The following ABLIM1 variants were observed in gnomAD, a reference collection of about 807,000 sequenced individuals.
ABLIM1 encodes the protein actin-binding LIM protein 1.
In ABLIM1, 40 loss-of-function variants were observed where a neutral mutation model predicts 107.0. The observed-to-expected ratio is 0.37, with a 90% confidence interval of 0.29 to 0.49. The LOEUF (loss-of-function observed/expected upper bound fraction) is 0.49. Among genes scored for constraint, ABLIM1 ranks in the 20% least tolerant of loss-of-function variants. The pLI is 0.97. For synonymous variants in ABLIM1, 357 were observed against 357.3 expected, an observed-to-expected ratio of 1.00 and a Z score of 0.01; for missense variants, 857 against 1,008.5, an observed-to-expected ratio of 0.85 and a Z score of 2.04.
At chr10:114,506,214 A>T (rs1319700459) in intron 6 of ABLIM1, among the ~76,000 whole-genome samples, 1 of 152,228 alleles carries the variant, frequency 6.6e-6, no homozygotes, top group Middle Eastern at 3.2e-3. Flanking sequence ...TTGGCTGTGT[A>T]GTATTCCATG....
chr10:114,745,871 A>C (rs2082373989), intron 1 of ABLIM1, among the ~76,000 whole-genome samples: 1 of 152,190 alleles, frequency 6.6e-6, no homozygotes, highest in Non-Finnish European at 1.5e-5. Flanking sequence ...CCAGAAATAC[A>C]ATGAAAACAT....
At chr10:114,709,762 TA>T (rs1403926786) in intron 1 of ABLIM1, among the ~76,000 whole-genome samples, 15 of 152,268 alleles carry the variant, frequency 9.9e-5, no homozygotes, top group African/African-American at 3.6e-4. Flanking sequence ...ACATGTTTAT[TA>T]ATCAGCTGCT....
intron 12 of ABLIM1, among the ~76,000 whole-genome samples, chr10:114,462,267 A>G (rs542720271): frequency 2.8e-4 from 42 of 152,226 alleles, no homozygotes; most frequent in Admixed American, 4.6e-4. Flanking sequence ...TCCTTCAGCT[A>G]TTATTATTGG....
In ABLIM1 at chr10:114,584,097, T is replaced by C. The variant is rs143183574; in HGVS notation, c.380-8498A>G. On this transcript the variant is annotated intron_variant, in intron 2 of 22. Coordinates refer to ENST00000533213, the MANE Select transcript of ABLIM1 (RefSeq NM_002313.7). ...TACACCCATGTAGCAAACCTGCACA[T>C]GTACCCACTGAATCTAAAGTAAAAG... is the stretch of plus-strand genomic sequence containing the variant. Among the ~76,000 whole-genome samples, 433 of 151,596 alleles carry C rather than the reference T, an allele frequency of 2.9e-3. 2 individuals are homozygous for C. Among genetic ancestry groups the C allele is most frequent in the Non-Finnish European group, 4.5e-3 (305 of 67,910 alleles).
chr10:114,463,052 A>G lies in ABLIM1; in HGVS notation c.1441+2646T>C, dbSNP rs558947897. 1.7e-4 allele frequency: 222 copies of G among 1,334,740 alleles called. 1 individual carries two copies. The Middle Eastern group carries it at 2.0e-3, about 12-fold the overall frequency. 82.7% of individuals were successfully genotyped at this position (1,334,740 alleles called of 1,614,324 possible). A position where few individuals can be genotyped will look rare whatever the true frequency, so the allele number is the denominator to read the frequency against. On this transcript the variant is annotated intron_variant, in intron 12 of 22. Transcript: ENST00000533213. ...AGAAACCTGCCTCCTTACCTTTGAT[A>G]TGGGGAATGAAGTGGTGTCGGAAAG... is the stretch of plus-strand genomic sequence containing the variant.
At chr10:114,539,128 C>T (rs189831443) in intron 6 of ABLIM1, among the ~76,000 whole-genome samples, 9 of 152,320 alleles carry the variant, frequency 5.9e-5, no homozygotes, top group Non-Finnish European at 1.0e-4. Flanking sequence ...GAGGCCAAGG[C>T]GGGCAGATCA....
chr10:114,499,099 G>T (rs2060055718), intron 6 of ABLIM1, among the ~76,000 whole-genome samples: 1 of 152,210 alleles, frequency 6.6e-6, no homozygotes, highest in African/African-American at 2.4e-5. Context: ...CCAGGTAGCT[G>T]ACTCAAGGTC....
At chr10:114,541,107 T>G (rs1591037338) in intron 6 of ABLIM1, among the ~76,000 whole-genome samples, 1 of 151,978 alleles carries the variant, frequency 6.6e-6, no homozygotes, top group African/African-American at 2.4e-5. Context: ...AGCCAGAGAT[T>G]GGGAGGCTGC....
Position 114,655,998 on chromosome 10 carries a change from C to T in ABLIM1, c.244+1959G>A, listed in dbSNP as rs147626776. On this transcript the variant is annotated intron_variant, in intron 1 of 22. Transcript: ENST00000533213. ...TAAAAAAGTCAGATAAGGCCGGGCG[C>T]GGTGGCTCATGCCTATAATCCCACC... Among the ~76,000 whole-genome samples the T allele has an allele frequency of 9.3e-4, 141 of 152,212 alleles. 2 individuals are homozygous for T. In the East Asian group the frequency reaches 0.018, roughly 19 times the overall value.
In ABLIM1 at chr10:114,690,391, C is replaced by G. The variant is rs991126049; in HGVS notation, c.-213+77670G>C. ...TGCTTTAGGATGAAGTTCTCATCAT[C>G]AAATTTCTCCCCATAGATGGACTTG... On this transcript the variant is annotated intron_variant, in intron 1 of 15. Coordinates refer to the ABLIM1 transcript ENST00000651092. 10 of 1,605,808 alleles carry G rather than the reference C, an allele frequency of 6.2e-6. No individual in the cohort carries two copies. The African/African-American group carries it at 1.3e-4, about 21-fold the overall frequency.
At chr10:114,702,887 C>T (rs217193) in intron 1 of ABLIM1, among the ~76,000 whole-genome samples, 7,710 of 152,022 alleles carry the variant, frequency 0.051, 243 homozygotes, top group Middle Eastern at 0.088. Flanking sequence ...TACTTTCCCT[C>T]GCTAGACATT....
intron 1 of ABLIM1, among the ~76,000 whole-genome samples, chr10:114,733,717 A>G (rs2082122676): frequency 1.3e-5 from 2 of 152,218 alleles, no homozygotes; most frequent in South Asian, 4.1e-4. Context: ...GACCAGGTAC[A>G]TCTGCCAGAT....
At chr10:114,601,590 T>C (rs2076006662) in intron 2 of ABLIM1, 1 of 623,600 alleles carries the variant, frequency 1.6e-6, no homozygotes, top group African/African-American at 1.8e-5. Flanking sequence ...TAGTCCCTTC[T>C]TCCAGGAGAA....
rs2065153439 is a variant in ABLIM1, at chr10:114,528,882, A to G, written c.894+16123T>C. ...CAAGATATGCAGGTGATTGTTAGGC[A>G]TAGTGGTTTTAGAACCTCAGCCTTA... is the stretch of plus-strand genomic sequence containing the variant. On this transcript the variant is annotated intron_variant, in intron 6 of 22. Transcript: ENST00000533213. Among the ~76,000 whole-genome samples, 8 of 152,364 alleles carry G rather than the reference A, an allele frequency of 5.3e-5. No individual in the cohort carries two copies. In the South Asian group the frequency reaches 1.7e-3, roughly 32 times the overall value.
intron 2 of ABLIM1, among the ~76,000 whole-genome samples, chr10:114,592,463 A>T (rs2139653998): frequency 6.6e-6 from 1 of 152,166 alleles, no homozygotes; most frequent in Non-Finnish European, 1.5e-5. Flanking sequence ...TTTGAAGGTC[A>T]AATTGAGGTC....
intron 12 of ABLIM1, among the ~76,000 whole-genome samples, chr10:114,455,163 C>A (rs1173219733): frequency 1.5e-5 from 2 of 137,146 alleles, no homozygotes; most frequent in Non-Finnish European, 3.2e-5. Context: ...TTTAAGTAAC[C>A]AGAGTACAGA....
At chr10:114,478,751 T>G (rs1321374300) in intron 8 of ABLIM1, among the ~76,000 whole-genome samples, 1 of 152,252 alleles carries the variant, frequency 6.6e-6, no homozygotes, top group Non-Finnish European at 1.5e-5. Context: ...AATGGACTAA[T>G]ACACTTGGAG....
Position 114,434,535 on chromosome 10 carries a change from G to A in ABLIM1, c.*1725C>T, listed in dbSNP as rs748874997. ...ACCACTGGTGTCAGAGAGACAGCTT[G>A]TAATCCTAATATTTGGTGCCAGCAG... On this transcript the variant is annotated 3_prime_UTR_variant, in exon 23 of 23. Transcript: ENST00000533213. 1.1e-4 allele frequency: 16 copies of A among 152,148 alleles called. No homozygotes were observed. The highest frequency in any genetic ancestry group is 2.7e-4 in the African/African-American group (11 of 41,416). 9.4% of individuals were successfully genotyped at this position (152,148 alleles called of 1,614,324 possible).
intron 1 of ABLIM1, among the ~76,000 whole-genome samples, chr10:114,728,803 A>C (rs1354466135): frequency 2.0e-5 from 3 of 152,088 alleles, no homozygotes; most frequent in Non-Finnish European, 4.4e-5. Flanking sequence ...ATTCAGCTGT[A>C]TTTGTAACAT....
Sources: allele counts gnomAD v4.1 joint callset (sites outside exome capture counted in the v4.1 genomes callset), GRCh38; gene constraint gnomAD v4.1.1; transcripts MANE v1.5; gene names NCBI Gene and HGNC (gene_info 2026-07-23, HGNC 2026-07-21).